The following KCNK10 variants were observed in gnomAD, a reference collection of about 807,000 sequenced individuals.
The protein encoded by KCNK10 is potassium two pore domain channel subfamily K member 10.
In KCNK10, 25 loss-of-function variants were observed where a neutral mutation model predicts 47.7. The observed-to-expected ratio is 0.52, with a 90% confidence interval of 0.38 to 0.73. KCNK10 has a LOEUF of 0.73. KCNK10 is among the 30% of genes least tolerant of loss of function. KCNK10 has a pLI of 0.00. For missense variants in KCNK10, 563 were observed against 714.5 expected (o/e 0.79, Z 2.42); for synonymous variants, 303 against 285.6 (o/e 1.06, Z -0.61).
rs1888573451 is a variant in KCNK10 at position 88,322,743 on chromosome 14, C to T, written c.52+4G>A. On this transcript the variant is annotated splice_donor_region_variant and intron_variant, in intron 1 of 6. Coordinates refer to ENST00000319231, the MANE Select transcript of KCNK10 (RefSeq NM_138317.3). The surrounding 1 kb of genome is among the most constrained non-coding windows in gnomAD (Gnocchi z 4.8). ...GAGGGCAGCCAAAAGTAGGAAACACCCACCTTTAGGATCCCAGTTCACCTG... is the reference window on the plus strand; with the variant it reads ...GAGGGCAGCCAAAAGTAGGAAACACTCACCTTTAGGATCCCAGTTCACCTG... The T allele has an allele frequency of 6.2e-7, 1 of 1,614,118 alleles. No homozygotes were observed. The highest frequency in any genetic ancestry group is 8.5e-7 in the Non-Finnish European group (1 of 1,180,004).
At chr14:88,240,559 G>A in intron 3 of KCNK10, 144 bp downstream of exon 3, 1 of 592,626 alleles carries the variant, frequency 1.7e-6, no homozygotes, top group Non-Finnish European at 3.1e-6. Context: ...CCACCACAAT[G>A]ACTGCATTAA....
At chr14:88,216,860 T>C (rs1308004747) in intron 4 of KCNK10, among the ~76,000 whole-genome samples, 1 of 152,126 alleles carries the variant, frequency 6.6e-6, no homozygotes, top group Non-Finnish European at 1.5e-5. Context: ...TTCTCTCTGA[T>C]AAAAATAAAC....
At chr14:88,308,305 C>T (rs1432708950) in intron 1 of KCNK10, among the ~76,000 whole-genome samples, 2 of 152,186 alleles carry the variant, frequency 1.3e-5, no homozygotes, top group African/African-American at 2.4e-5. Flanking sequence ...AGGTAAGACT[C>T]TCACTACCCC....
intron 2 of KCNK10, among the ~76,000 whole-genome samples, chr14:88,246,287 AG>A (rs1595102708): frequency 6.6e-6 from 1 of 150,674 alleles, no homozygotes; most frequent in Middle Eastern, 3.4e-3. Context: ...AAAAAAAAAA[AG>A]GGAGCCTATT....
At chr14:88,212,943 A>C (rs1885508903) in intron 4 of KCNK10, among the ~76,000 whole-genome samples, 2 of 152,214 alleles carry the variant, frequency 1.3e-5, no homozygotes, top group African/African-American at 4.8e-5. Context: ...GGGGCTGCAC[A>C]TGCTTGTCAC....
At chr14:88,273,518 T>A (rs1349472656) in intron 1 of KCNK10, among the ~76,000 whole-genome samples, 1 of 152,204 alleles carries the variant, frequency 6.6e-6, no homozygotes, top group Non-Finnish European at 1.5e-5. Context: ...TCCGATAAAA[T>A]AAACTCTCAC....
rs1324894588 is a variant in KCNK10 at position 88,180,830 on chromosome 14, A to G, written c.*4705T>C. On this transcript the variant is annotated 3_prime_UTR_variant, in exon 7 of 7. Coordinates refer to ENST00000319231, the MANE Select transcript of KCNK10 (RefSeq NM_138317.3). ...AGACAGAGGACAGGGCTTTGCTTACAGCCATGTAATTAGCATGCTGTTCCA... is the reference window on the plus strand; with the variant it reads ...AGACAGAGGACAGGGCTTTGCTTACGGCCATGTAATTAGCATGCTGTTCCA... The G allele has an allele frequency of 2.5e-6, 1 of 398,624 alleles. No homozygotes were observed. 24.7% of individuals were successfully genotyped at this position (398,624 alleles called of 1,614,324 possible). A position where few individuals can be genotyped will look rare whatever the true frequency, so the allele number is the denominator to read the frequency against.
intron 1 of KCNK10, among the ~76,000 whole-genome samples, chr14:88,313,925 C>G (rs957818759): frequency 2.6e-5 from 4 of 152,186 alleles, no homozygotes; most frequent in Non-Finnish European, 5.9e-5. Flanking sequence ...CTCAGAGTAT[C>G]TGATGAGTCT....
At chr14:88,217,674 C>T (rs528241540) in intron 4 of KCNK10, among the ~76,000 whole-genome samples, 1 of 152,248 alleles carries the variant, frequency 6.6e-6, no homozygotes, top group South Asian at 2.1e-4. Context: ...CATTCCTCAG[C>T]CTCCTGAGTG....
intron 1 of KCNK10, among the ~76,000 whole-genome samples, chr14:88,314,063 T>G (rs1476679275): frequency 6.6e-6 from 1 of 152,244 alleles, no homozygotes; most frequent in East Asian, 1.9e-4. Flanking sequence ...GTGATCTTTA[T>G]TTTACCCAAA....
At chr14:88,296,715 C>T (rs1887991770) in intron 1 of KCNK10, among the ~76,000 whole-genome samples, 1 of 152,188 alleles carries the variant, frequency 6.6e-6, no homozygotes, top group Non-Finnish European at 1.5e-5. Flanking sequence ...CTGCATTCAC[C>T]TTCTGATTCT....
upstream of KCNK10, among the ~76,000 whole-genome samples, chr14:88,325,006 C>A (rs1888631427): frequency 6.6e-6 from 1 of 152,184 alleles, no homozygotes; most frequent in Non-Finnish European, 1.5e-5. Context: ...CTCTTCAGCC[C>A]TTTAGGCAGG....
At chr14:88,203,329 C>A (rs929137558) in intron 4 of KCNK10, among the ~76,000 whole-genome samples, 1 of 152,208 alleles carries the variant, frequency 6.6e-6, no homozygotes, top group East Asian at 1.9e-4. Flanking sequence ...TATCCAATAT[C>A]CTTTTTAAAA....
intron 1 of KCNK10, among the ~76,000 whole-genome samples, chr14:88,274,564 A>AAAAAAAAAAAAAAAAAAAAT: frequency 6.6e-6 from 1 of 150,512 alleles, no homozygotes; most frequent in African/African-American, 2.4e-5. Context: ...AAAAAAAAAA[A>AAAAAAAAAAAAAAAAAAAAT]AAGATCTTAT....
At chr14:88,307,013 C>T (rs1230164530) in intron 1 of KCNK10, among the ~76,000 whole-genome samples, 1 of 152,120 alleles carries the variant, frequency 6.6e-6, no homozygotes, top group African/African-American at 2.4e-5. Context: ...TGTCCACACC[C>T]AGTGGGACAC....
intron 4 of KCNK10, among the ~76,000 whole-genome samples, chr14:88,217,867 C>T (rs1004657114): frequency 6.6e-6 from 1 of 152,064 alleles, no homozygotes; most frequent in East Asian, 1.9e-4. Flanking sequence ...GAACTATAAG[C>T]ACACACCACC....
intron 4 of KCNK10, among the ~76,000 whole-genome samples, chr14:88,193,738 T>C (rs1286553065): frequency 6.6e-6 from 1 of 152,196 alleles, no homozygotes; most frequent in Non-Finnish European, 1.5e-5. Flanking sequence ...TTGCATAAAA[T>C]GATGCCACTA....
At chr14:88,191,222 G>T (rs903596515) in intron 5 of KCNK10, among the ~76,000 whole-genome samples, 2 of 151,926 alleles carry the variant, frequency 1.3e-5, no homozygotes, top group African/African-American at 4.8e-5. Context: ...CTGCACTCCA[G>T]CCTGGGCAAC....
chr14:88,237,975 T>C (rs2104123), intron 3 of KCNK10, among the ~76,000 whole-genome samples: 30,239 of 152,104 alleles, frequency 0.2, 3,233 homozygotes, highest in East Asian at 0.38. Context: ...CTAGATGGCA[T>C]CTTGTAATAT....
Sources: allele counts gnomAD v4.1 joint callset (sites outside exome capture counted in the v4.1 genomes callset), GRCh38; gene constraint gnomAD v4.1.1; non-coding constraint Gnocchi (gnomAD v3.1); transcripts MANE v1.5; gene names NCBI Gene and HGNC (gene_info 2026-07-23, HGNC 2026-07-21).